Variants in DMD observed in about 807,000 individuals in gnomAD.
The protein encoded by DMD is mutant dystrophin.
A neutral mutation model predicts 330.1 loss-of-function variants in DMD; 63 were observed. The ratio of observed to expected loss-of-function variants is 0.19; its 90% CI spans 0.16 to 0.24. DMD has a LOEUF of 0.24. Among genes scored for constraint, DMD ranks in the 10% least tolerant of loss-of-function variants. DMD has a pLI of 1.00. For synonymous variants in DMD, 1,223 were observed against 959.8 expected (o/e 1.27, Z -5.07); for missense variants, 3,344 against 2,684.1 (o/e 1.25, Z -5.43).
At chrX:32,263,979 A>C (rs2097333942) in intron 43 of DMD, among the ~76,000 whole-genome samples, 1 of 112,049 alleles carries the variant, frequency 8.9e-6, no homozygotes, top group Admixed American at 9.5e-5. Flanking sequence ...AATGTCTACA[A>C]ATTTCTTCAA....
At chrX:31,995,620 G>A (rs1217905553) in intron 44 of DMD, among the ~76,000 whole-genome samples, 3 of 111,234 alleles carry the variant, frequency 2.7e-5, no homozygotes. Flanking sequence ...AATAAGCAAG[G>A]GAGAAATAAT....
chrX:32,199,781 TGTGTGTGTGTGTGTGTGTG>T (rs1345733636), intron 44 of DMD, among the ~76,000 whole-genome samples: 1 of 1,727 alleles, frequency 5.8e-4, no homozygotes, highest in East Asian at 7.6e-3. Flanking sequence ...GCAAGGCTTT[TGTGTGTGTGTGTGTGTGTG>T]TGTGTGTGTG....
chrX:32,894,611 C>T (rs1463421965), intron 2 of DMD, among the ~76,000 whole-genome samples: 3 of 112,734 alleles, frequency 2.7e-5, no homozygotes, highest in South Asian at 3.6e-4. Flanking sequence ...CCGTGTTCCA[C>T]GGGATGCACT....
At chrX:32,570,012 T>A (rs974342385) in intron 15 of DMD, among the ~76,000 whole-genome samples, 3 of 111,788 alleles carry the variant, frequency 2.7e-5, no homozygotes, top group Non-Finnish European at 5.6e-5. Flanking sequence ...AAATCAGTTT[T>A]GATTATAAAA....
intron 44 of DMD, among the ~76,000 whole-genome samples, chrX:32,097,608 C>G (rs2096517103): frequency 9.0e-6 from 1 of 111,586 alleles, no homozygotes; most frequent in Non-Finnish European, 1.9e-5. Context: ...AGTTAAAATA[C>G]AAATCAACCC....
chrX:32,728,320 A>G (rs888042243), intron 7 of DMD, among the ~76,000 whole-genome samples: 1 of 112,167 alleles, frequency 8.9e-6, no homozygotes, highest in Non-Finnish European at 1.9e-5. Context: ...AGATTTAAAC[A>G]AAAATACAAC....
At chrX:33,256,920 A>G (rs1049910481) in intron 1 of DMD, among the ~76,000 whole-genome samples, 1 of 110,924 alleles carries the variant, frequency 9.0e-6, no homozygotes, top group African/African-American at 3.3e-5. Flanking sequence ...TGCAACATCT[A>G]TATCTCTTCA....
chrX:32,656,593 T>G (rs183547514), intron 9 of DMD, among the ~76,000 whole-genome samples: 1 of 112,107 alleles, frequency 8.9e-6, no homozygotes, highest in Admixed American at 9.5e-5. Context: ...AACTTTCTAC[T>G]ATAAAATCAG....
At chrX:32,141,690 C>T (rs2096754430) in intron 44 of DMD, among the ~76,000 whole-genome samples, 1 of 103,299 alleles carries the variant, frequency 9.7e-6, no homozygotes, top group Non-Finnish European at 1.9e-5. Context: ...CACACACACA[C>T]ACACACACAC....
intron 34 of DMD, among the ~76,000 whole-genome samples, chrX:32,366,844 A>G (rs778057121): frequency 1.8e-5 from 2 of 112,236 alleles, no homozygotes; most frequent in South Asian, 7.4e-4. Context: ...TGTTTCTTCA[A>G]TTCTAAGATA....
At chrX:33,008,538 G>A (rs1569548636) in intron 2 of DMD, among the ~76,000 whole-genome samples, 1 of 110,282 alleles carries the variant, frequency 9.1e-6, no homozygotes, top group South Asian at 3.8e-4. Flanking sequence ...GACTCTGTAG[G>A]TCAATTGGAA....
chrX:31,813,844 T>C (rs908850930), intron 50 of DMD, among the ~76,000 whole-genome samples: 2 of 111,565 alleles, frequency 1.8e-5, no homozygotes, highest in Non-Finnish European at 3.8e-5. Context: ...GGCTGAGTGC[T>C]AAGGGGAAAT....
chrX:32,182,811 A>G lies in DMD; in HGVS notation c.6438+34105T>C, dbSNP rs745899882. Among the ~76,000 whole-genome samples the G allele has an allele frequency of 4.5e-5, 5 of 111,743 alleles. No homozygotes were observed. In the East Asian group the frequency reaches 1.1e-3, roughly 25 times the overall value. ...AAGTTAGTGCTATTTAATGGTTTAA[A>G]ATAATTTAATGTGTAGTTTTCCCCT... is the stretch of plus-strand genomic sequence containing the variant. On this transcript the variant is annotated intron_variant, in intron 44 of 78. Coordinates refer to ENST00000357033, the MANE Select transcript of DMD (RefSeq NM_004006.3).
intron 12 of DMD, among the ~76,000 whole-genome samples, chrX:32,597,990 G>T (rs960807372): frequency 8.9e-6 from 1 of 112,200 alleles, no homozygotes; most frequent in Non-Finnish European, 1.9e-5. Context: ...ACAGTGCTTA[G>T]CACCTATCAG....
At chrX:32,832,106 C>G (rs764850484) in intron 4 of DMD, among the ~76,000 whole-genome samples, 10 of 111,265 alleles carry the variant, frequency 9.0e-5, no homozygotes, top group Non-Finnish European at 1.7e-4. Context: ...AAGAAGGAGT[C>G]ACTTTTGTTC....
chrX:33,237,301 T>C (rs1296916837), intron 1 of DMD, among the ~76,000 whole-genome samples: 1 of 104,293 alleles, frequency 9.6e-6, no homozygotes, highest in East Asian at 3.2e-4. Flanking sequence ...TGGAGTACAA[T>C]GGCGCGATCT....
chrX:31,538,101 C>T (rs924987440), intron 55 of DMD, among the ~76,000 whole-genome samples: 2 of 111,591 alleles, frequency 1.8e-5, no homozygotes, highest in Non-Finnish European at 3.8e-5. Context: ...TGCCATTTTT[C>T]GTACCTTTTG....
chrX:32,189,432 C>T (rs1426996482), intron 44 of DMD, among the ~76,000 whole-genome samples: 2 of 108,736 alleles, frequency 1.8e-5, no homozygotes, highest in African/African-American at 6.7e-5. Flanking sequence ...ATTGAAAGCA[C>T]AGGCACACCT....
chrX:31,482,665 G>T (rs1173494835), intron 57 of DMD, among the ~76,000 whole-genome samples: 1 of 112,103 alleles, frequency 8.9e-6, no homozygotes, highest in Non-Finnish European at 1.9e-5. Context: ...TGAGGAGTGA[G>T]TGGAAGAAGG....
Sources: allele counts gnomAD v4.1 joint callset (sites outside exome capture counted in the v4.1 genomes callset), GRCh38; gene constraint gnomAD v4.1.1; transcripts MANE v1.5; gene names NCBI Gene and HGNC (gene_info 2026-07-23, HGNC 2026-07-21).